Variants in AMBRA1 observed in about 807,000 individuals in gnomAD.
AMBRA1 encodes the protein activating molecule in BECN1-regulated autophagy protein 1.
In AMBRA1, 47 loss-of-function variants were observed where a neutral mutation model predicts 125.4. That is an observed-to-expected ratio of 0.37 (90% CI 0.30 to 0.48). The LOEUF is 0.48. Among genes scored for constraint, AMBRA1 ranks in the 20% least tolerant of loss-of-function variants. AMBRA1 has a pLI of 0.99. For synonymous variants in AMBRA1, 626 were observed against 655.5 expected (o/e 0.95, Z 0.69); for missense variants, 1,331 against 1,693.4 (o/e 0.79, Z 3.76).
At chr11:46,521,225 A>G (rs1014488382) in intron 7 of AMBRA1, among the ~76,000 whole-genome samples, 1 of 152,250 alleles carries the variant, frequency 6.6e-6, no homozygotes, top group Non-Finnish European at 1.5e-5. Context: ...AACTGCTTAC[A>G]TCACCTTCAT....
At chr11:46,443,466 C>G in intron 12 of AMBRA1, 22 bp downstream of exon 12, 2 of 1,582,824 alleles carry the variant, frequency 1.3e-6, no homozygotes, top group Non-Finnish European at 1.7e-6. Flanking sequence ...TCCACTGATA[C>G]CCCCATTTGA....
chr11:46,496,190 G>A (rs1222938937), intron 9 of AMBRA1, among the ~76,000 whole-genome samples: 5 of 151,514 alleles, frequency 3.3e-5, no homozygotes, highest in Non-Finnish European at 7.4e-5. Flanking sequence ...CCTGGCCAAC[G>A]TGGTGAAACC....
intron 4 of AMBRA1, 189 bp downstream of exon 4, chr11:46,546,924 A>G (rs1262155179): frequency 2.1e-6 from 1 of 485,574 alleles, no homozygotes; most frequent in Non-Finnish European, 3.6e-6. Flanking sequence ...CACAAAAATG[A>G]GCCAGGCATG....
intron 11 of AMBRA1, among the ~76,000 whole-genome samples, chr11:46,483,032 AG>A (rs1274455087): frequency 6.6e-6 from 1 of 151,464 alleles, no homozygotes; most frequent in Non-Finnish European, 1.5e-5. Context: ...AAAAAAAAAA[AG>A]AGTAAAAACC....
At position 46,548,474 on chromosome 11, in the gene AMBRA1, G is replaced by T. The variant is rs1021797302; in HGVS notation, c.-94C>A. 1.4e-6 allele frequency: 2 copies of T among 1,465,498 alleles called. No homozygotes were observed. Among genetic ancestry groups the T allele is most frequent in the East Asian group, 2.3e-5 (1 of 43,164 alleles). 90.8% of individuals were successfully genotyped at this position (1,465,498 alleles called of 1,614,324 possible). ...AAGCAGCTAAAATGAGGCCATACAG[G>T]TCCTTGTAAGTTGTCCTCATGGAAA... On this transcript the variant is annotated 5_prime_UTR_variant, in exon 2 of 18. Transcript: ENST00000683756.
intron 4 of AMBRA1, chr11:46,546,041 T>G (rs1282943021): frequency 4.0e-6 from 1 of 252,992 alleles, no homozygotes; most frequent in East Asian, 8.5e-5. Flanking sequence ...TTCTTTTTTT[T>G]TTTTTTTTTT....
At chr11:46,588,818 T>G (rs1176920954) in intron 1 of AMBRA1, among the ~76,000 whole-genome samples, 1 of 152,046 alleles carries the variant, frequency 6.6e-6, no homozygotes, top group Non-Finnish European at 1.5e-5. Flanking sequence ...GTTTTACTTT[T>G]CCATTCTTTA....
chr11:46,575,795 G>A (rs996711227), intron 1 of AMBRA1, among the ~76,000 whole-genome samples: 5 of 152,168 alleles, frequency 3.3e-5, no homozygotes, highest in Admixed American at 6.5e-5. Flanking sequence ...GATTATAGGC[G>A]TGAGCCTCCG....
At chr11:46,489,929 AT>A (rs1434421895) in intron 11 of AMBRA1, among the ~76,000 whole-genome samples, 1 of 152,244 alleles carries the variant, frequency 6.6e-6, no homozygotes, top group African/African-American at 2.4e-5. Context: ...CCGGTTTAAA[AT>A]TCCAGGTCAG....
chr11:46,417,779 G>T, intron 15 of AMBRA1, 134 bp downstream of exon 15: 1 of 1,085,886 alleles, frequency 9.2e-7, no homozygotes, highest in Non-Finnish European at 1.2e-6. Flanking sequence ...GGCCCTTTAA[G>T]GAGTGGCGCT....
chr11:46,543,854 C>T (rs766236680), intron 6 of AMBRA1, 121 bp downstream of exon 6: 8 of 844,124 alleles, frequency 9.5e-6, no homozygotes, highest in Non-Finnish European at 1.5e-5. Context: ...AGCTTTAAAT[C>T]TTGACTGGAA....
Position 46,457,598 on chromosome 11 carries a change from G to A in AMBRA1, c.2522-14000C>T, listed in dbSNP as rs914066176. Among the ~76,000 whole-genome samples, 5 of 152,214 alleles carry A rather than the reference G, an allele frequency of 3.3e-5. No individual in the cohort carries two copies. In the East Asian group the frequency reaches 9.7e-4, roughly 29 times the overall value. On this transcript the variant is annotated intron_variant, in intron 11 of 17. Coordinates refer to ENST00000683756, the MANE Select transcript of AMBRA1 (RefSeq NM_001387011.1). ...GATTCTTAATGGATTTGGTGGTGACGGTTGCTTATAAGATGGGCTGGGCCA... is the reference window on the plus strand; with the variant it reads ...GATTCTTAATGGATTTGGTGGTGACAGTTGCTTATAAGATGGGCTGGGCCA...
chr11:46,474,308 A>T (rs1949723734), intron 11 of AMBRA1, among the ~76,000 whole-genome samples: 1 of 152,224 alleles, frequency 6.6e-6, no homozygotes, highest in Non-Finnish European at 1.5e-5. Context: ...GGGAATAAAT[A>T]AATTAATTAT....
chr11:46,542,222 A>G lies in AMBRA1; in HGVS notation c.1795T>C (p.Ser599Pro). 6.2e-7 allele frequency: 1 copy of G among 1,614,114 alleles called. No homozygotes were observed. Among genetic ancestry groups the G allele is most frequent in the Non-Finnish European group, 8.5e-7 (1 of 1,180,010 alleles). ...PNYSSGEASSSWQVPSSFESV... is the reference protein window; with the variant it reads ...PNYSSGEASSPWQVPSSFESV... The stretch of plus-strand genomic sequence containing the variant: ...TCAAAGGAGCTGGGGACCTGCCAAG[A>G]GGAACTAGCCTCGCCAGAGGAGTAG... The change falls in exon 7 of 18, where the codon TCT becomes CCT. Residue 599 changes from serine to proline, a missense_variant. Around this residue, in one of 4 missense-constraint regions of AMBRA1, gnomAD observed 689 missense variants for 776.5 expected, o/e 0.89. Coordinates refer to ENST00000683756, the MANE Select transcript of AMBRA1 (RefSeq NM_001387011.1). The surrounding 1 kb of genome is among the most constrained non-coding windows in gnomAD (Gnocchi z 5.9).
intron 14 of AMBRA1, among the ~76,000 whole-genome samples, chr11:46,425,357 GT>G (rs1279721926): frequency 1.5e-5 from 2 of 130,762 alleles, no homozygotes; most frequent in South Asian, 2.4e-4. Context: ...TGTGTAAGAA[GT>G]AGTATTTCTC....
intron 11 of AMBRA1, among the ~76,000 whole-genome samples, chr11:46,454,011 G>A (rs981201748): frequency 6.6e-6 from 1 of 152,050 alleles, no homozygotes; most frequent in African/African-American, 2.4e-5. Context: ...CTCCAAAGAA[G>A]GATAATATTA....
intron 15 of AMBRA1, among the ~76,000 whole-genome samples, chr11:46,415,576 C>T (rs1485053344): frequency 6.6e-6 from 1 of 152,330 alleles, no homozygotes; most frequent in African/African-American, 2.4e-5. Flanking sequence ...CTTTGAAGAA[C>T]TTAAGTCATG....
chr11:46,537,714 A>G (rs1952545477), intron 7 of AMBRA1, among the ~76,000 whole-genome samples: 1 of 152,226 alleles, frequency 6.6e-6, no homozygotes, highest in South Asian at 2.1e-4. Flanking sequence ...ACTTGGCAGC[A>G]CACAGCTACA....
intron 11 of AMBRA1, among the ~76,000 whole-genome samples, chr11:46,444,869 G>T (rs1465944385): frequency 6.6e-6 from 1 of 152,118 alleles, no homozygotes; most frequent in African/African-American, 2.4e-5. Context: ...TCCGGTTGCT[G>T]CTGGCCACTG....
Sources: gnomAD v4.1 joint callset for allele counts (sites outside exome capture counted in the v4.1 genomes callset) on GRCh38, gnomAD v4.1.1 for gene constraint, gnomAD v4.1.1 regional missense constraint, Gnocchi (gnomAD v3.1) non-coding constraint, MANE v1.5 for transcripts, NCBI Gene and HGNC (gene_info 2026-07-23, HGNC 2026-07-21) for gene names.